The following SIAE variants were observed in gnomAD, a reference collection of about 807,000 sequenced individuals.
The protein encoded by SIAE is sialic acid acetylesterase, also known as sialate O-acetylesterase.
In SIAE, 39 loss-of-function variants were observed where a neutral mutation model predicts 52.6. That is an observed-to-expected ratio of 0.74 (90% CI 0.57 to 0.97). The LOEUF (loss-of-function observed/expected upper bound fraction) is 0.97. Among genes scored for constraint, SIAE ranks in the 50% least tolerant of loss-of-function variants. The pLI is 0.00. For synonymous variants in SIAE, 233 were observed against 241.4 expected, an observed-to-expected ratio of 0.97 and a Z score of 0.32; for missense variants, 592 against 662.1, an observed-to-expected ratio of 0.89 and a Z score of 1.16.
Position 124,635,284 on chromosome 11 carries a change from G to A in SIAE, c.*1667C>T, listed in dbSNP as rs1423259402. The A allele has an allele frequency of 6.6e-6, 1 of 152,188 alleles. No homozygotes were observed. The highest frequency in any genetic ancestry group is 1.9e-4 in the East Asian group (1 of 5,192). 9.4% of individuals were successfully genotyped at this position (152,188 alleles called of 1,614,324 possible). A position where few individuals can be genotyped will look rare whatever the true frequency, so the allele number is the denominator to read the frequency against. On this transcript the variant is annotated 3_prime_UTR_variant, in exon 10 of 10. Coordinates refer to ENST00000263593, the MANE Select transcript of SIAE (RefSeq NM_170601.5). The stretch of plus-strand genomic sequence containing the variant: ...ATGAGAGGTCAAAGCATGGGCAATA[G>A]GGGTTAACTGAACGAGTTGAATGCT...
chr11:124,659,379 CTCT>C (rs1462003170), intron 3 of SIAE: 3 of 152,172 alleles, frequency 2.0e-5, no homozygotes, highest in African/African-American at 4.8e-5. Context: ...TCTGCTTCTA[CTCT>C]CTTATGCTAA....
upstream of SIAE, chr11:124,674,970 A>G: frequency 4.5e-6 from 1 of 220,316 alleles, no homozygotes; most frequent in African/African-American, 2.3e-5. Flanking sequence ...ATAAAGGGTA[A>G]AGAGAGAAAA....
At chr11:124,646,359 G>C (rs1436608696) in intron 7 of SIAE, among the ~76,000 whole-genome samples, 1 of 152,154 alleles carries the variant, frequency 6.6e-6, no homozygotes, top group East Asian at 1.9e-4. Flanking sequence ...AGTCATGTAG[G>C]CAACCTCATG....
At chr11:124,666,268 C>A (rs1028206475) in intron 2 of SIAE, among the ~76,000 whole-genome samples, 1 of 152,132 alleles carries the variant, frequency 6.6e-6, no homozygotes, top group Admixed American at 6.5e-5. Flanking sequence ...GACAAAGCAG[C>A]AAATTGAGGT....
chr11:124,639,649 T>TC, intron 8 of SIAE, 61 bp downstream of exon 8: 1 of 1,609,284 alleles, frequency 6.2e-7, no homozygotes, highest in Admixed American at 1.7e-5. Context: ...CCGGTGAACA[T>TC]CAGAGTGAAA....
intron 3 of SIAE, chr11:124,659,792 T>C (rs1435155490): frequency 1.3e-5 from 2 of 151,876 alleles, no homozygotes; most frequent in African/African-American, 4.8e-5. Flanking sequence ...CAGAGTAAGA[T>C]CATTTTAGTA....
chr11:124,673,869 T>TG, upstream of SIAE: 1 of 692,674 alleles, frequency 1.4e-6, no homozygotes, highest in East Asian at 2.9e-5. Flanking sequence ...CGCCGTAGTT[T>TG]TTTTTTTTTT....
chr11:124,650,525 C>T (rs1233832377), intron 4 of SIAE, among the ~76,000 whole-genome samples: 1 of 152,232 alleles, frequency 6.6e-6, no homozygotes, highest in Admixed American at 6.5e-5. Context: ...ATAATCCCAG[C>T]ACTTTGAGAG....
intron 6 of SIAE, 64 bp downstream of exon 6, chr11:124,648,002 G>T: frequency 8.2e-7 from 1 of 1,223,022 alleles, no homozygotes; most frequent in Non-Finnish European, 1.2e-6. Flanking sequence ...CTACGTTCTA[G>T]GGTGCTGTGT....
At chr11:124,655,312 A>G (rs1334793456) in intron 3 of SIAE, among the ~76,000 whole-genome samples, 3 of 151,896 alleles carry the variant, frequency 2.0e-5, no homozygotes, top group African/African-American at 7.3e-5. Context: ...AGTAGCTGGA[A>G]CTACAGGCGC....
chr11:124,660,451 C>T, intron 3 of SIAE, 177 bp downstream of exon 3: 1 of 705,280 alleles, frequency 1.4e-6, no homozygotes, highest in East Asian at 2.8e-5. Flanking sequence ...AATAGCTTAT[C>T]TCTTAAGATT....
chr11:124,662,511 T>A (rs1462517782), intron 2 of SIAE, among the ~76,000 whole-genome samples: 4 of 152,224 alleles, frequency 2.6e-5, no homozygotes, highest in Non-Finnish European at 5.9e-5. Flanking sequence ...TGCTATTAAC[T>A]GGGTATTTAC....
intron 2 of SIAE, 106 bp downstream of exon 2, chr11:124,669,254 G>A: frequency 2.9e-6 from 4 of 1,380,336 alleles, no homozygotes; most frequent in Non-Finnish European, 4.1e-6. Flanking sequence ...ACAGACGGAT[G>A]TAGGGACGGA....
At position 124,636,559 on chromosome 11, in the gene SIAE, A is replaced by C. The variant is rs1942745590; in HGVS notation, c.*392T>G. The C allele has an allele frequency of 3.5e-6, 1 of 282,546 alleles. No individual in the cohort carries two copies. The highest frequency in any genetic ancestry group is 6.8e-6 in the Non-Finnish European group (1 of 146,146). 17.5% of individuals were successfully genotyped at this position (282,546 alleles called of 1,614,324 possible). ...TACTTGGATGGGAGAAATTTTATAAAGAACACATGAACACTAGCTGGCCTA... is the reference window on the plus strand; with the variant it reads ...TACTTGGATGGGAGAAATTTTATAACGAACACATGAACACTAGCTGGCCTA... On this transcript the variant is annotated 3_prime_UTR_variant, in exon 10 of 10. Transcript: ENST00000263593.
intron 3 of SIAE, 195 bp downstream of exon 3, chr11:124,660,433 A>G (rs1267895357): frequency 1.5e-6 from 1 of 686,270 alleles, no homozygotes; most frequent in Non-Finnish European, 2.7e-6. Context: ...ATAACTACCA[A>G]TTTAATCAAT....
intron 1 of SIAE, among the ~76,000 whole-genome samples, chr11:124,671,824 C>G (rs1037453656): frequency 6.6e-6 from 1 of 152,060 alleles, no homozygotes; most frequent in African/African-American, 2.4e-5. Flanking sequence ...TGCAGTGGTG[C>G]GATCTCAGCT....
chr11:124,638,335 G>GTT (rs1270732634), intron 9 of SIAE, among the ~76,000 whole-genome samples: 10 of 152,154 alleles, frequency 6.6e-5, no homozygotes, highest in Admixed American at 6.5e-4. Context: ...ATATGGACTT[G>GTT]TTTTCCCTTT....
In SIAE at chr11:124,636,315, G is replaced by C. The variant is rs895864916; in HGVS notation, c.*636C>G. 1.9e-5 allele frequency: 3 copies of C among 156,076 alleles called. No homozygotes were observed. Among genetic ancestry groups the C allele is most frequent in the African/African-American group, 4.8e-5 (2 of 41,458 alleles). 9.7% of individuals were successfully genotyped at this position (156,076 alleles called of 1,614,324 possible). A position where few individuals can be genotyped will look rare whatever the true frequency, so the allele number is the denominator to read the frequency against. On this transcript the variant is annotated 3_prime_UTR_variant, in exon 10 of 10. Coordinates refer to ENST00000263593, the MANE Select transcript of SIAE (RefSeq NM_170601.5). ...TTTGGGCTTGAAGAGAATACAAAGA[G>C]ATCTGTCTTCAATTATCTGATAGTA...
intron 7 of SIAE, among the ~76,000 whole-genome samples, chr11:124,647,070 T>C (rs1412414521): frequency 6.6e-6 from 1 of 152,260 alleles, no homozygotes; most frequent in African/African-American, 2.4e-5. Context: ...CTTTTTTAGC[T>C]TCTTTTTTGC....
Sources: allele counts gnomAD v4.1 joint callset (sites outside exome capture counted in the v4.1 genomes callset), GRCh38; gene constraint gnomAD v4.1.1; transcripts MANE v1.5; gene names NCBI Gene and HGNC (gene_info 2026-07-23, HGNC 2026-07-21).